Variants in ARHGEF17 observed in about 807,000 individuals in gnomAD.
The protein encoded by ARHGEF17 is 164 kDa Rho-specific guanine-nucleotide exchange factor.
ARHGEF17 carries 80 observed loss-of-function variants against 174.0 expected under a neutral mutation model. The observed-to-expected ratio is 0.46, with a 90% CI of 0.38 to 0.55. The LOEUF (loss-of-function observed/expected upper bound fraction) is 0.55. ARHGEF17 is among the 20% of genes least tolerant of loss of function. The pLI, the probability that ARHGEF17 is intolerant of heterozygous loss-of-function variation, is 0.00. For synonymous variants in ARHGEF17, 1,311 were observed against 1,189.1 expected (o/e 1.10, Z -2.11); for missense variants, 2,886 against 2,839.7 (o/e 1.02, Z -0.37).
intron 1 of ARHGEF17, among the ~76,000 whole-genome samples, chr11:73,340,901 G>T (rs1865357904): frequency 6.6e-6 from 1 of 152,214 alleles, no homozygotes; most frequent in African/African-American, 2.4e-5. Context: ...GGAGGAGCAG[G>T]CTCCATCCGC....
chr11:73,356,722 T>C lies in ARHGEF17; in HGVS notation c.3854T>C (p.Leu1285Pro). Residue 1285 changes from leucine to proline, a missense_variant, in exon 7 of 21, where the codon CTG (leucine) becomes CCG (proline). Physicochemically the swap from Leu to Pro is moderately conservative, Grantham distance 98 (BLOSUM62 -3). This residue lies in a region of ARHGEF17 where 353 missense variants were observed against 470.3 expected (regional missense o/e 0.75). Coordinates refer to ENST00000263674, the MANE Select transcript of ARHGEF17 (RefSeq NM_014786.4). ...CCTGTCCCACAGCTCCAGGCCCCTC[T>C]GCGGCGGTTCCTGAGACAGGAGATG... ...IEGMEDLQAP[L>P]RRFLRQEMVI... 6.2e-7 allele frequency: 1 copy of C among 1,614,184 alleles called. No homozygotes were observed. Among genetic ancestry groups the C allele is most frequent in the Non-Finnish European group, 8.5e-7 (1 of 1,180,028 alleles).
chr11:73,343,582 T>A (rs1306230974), intron 1 of ARHGEF17, among the ~76,000 whole-genome samples: 1 of 152,158 alleles, frequency 6.6e-6, no homozygotes, highest in Non-Finnish European at 1.5e-5. Flanking sequence ...CCAGCCCTCC[T>A]CTTAGGCTTG....
chr11:73,350,087 CAT>C (rs1865528495), intron 2 of ARHGEF17, among the ~76,000 whole-genome samples: 1 of 152,106 alleles, frequency 6.6e-6, no homozygotes, highest in Non-Finnish European at 1.5e-5. Context: ...ATTAGAGACA[CAT>C]GTTTATAATT....
At position 73,365,792 on chromosome 11, in the gene ARHGEF17, C is replaced by T; in HGVS notation, c.5840C>T (p.Pro1947Leu). Residue 1947 changes from proline to leucine, a missense_variant, in exon 20 of 21, where the codon CCC becomes CTC. Physicochemically the swap from Pro to Leu is moderately conservative, Grantham distance 98. Coordinates refer to ENST00000263674, the MANE Select transcript of ARHGEF17 (RefSeq NM_014786.4). The surrounding 1 kb of genome is among the most constrained non-coding windows in gnomAD (Gnocchi z 4.9). ...GTSAGVVLTM[P>L]TSPGTVSCPR... Reference sequence around the variant, plus strand: ...AGTGCTGGTGTCGTCCTCACCATGCCCACTTCGCCCGGTACTGTCAGCTGC... The same window carrying T: ...AGTGCTGGTGTCGTCCTCACCATGCTCACTTCGCCCGGTACTGTCAGCTGC... 1.2e-6 allele frequency: 2 copies of T among 1,613,750 alleles called. No individual in the cohort carries two copies. The highest frequency in any genetic ancestry group is 1.3e-5 in the African/African-American group (1 of 75,050).
intron 1 of ARHGEF17, among the ~76,000 whole-genome samples, chr11:73,336,113 C>T (rs1261085880): frequency 6.6e-6 from 1 of 152,192 alleles, no homozygotes; most frequent in African/African-American, 2.4e-5. Flanking sequence ...TGTTAATGTG[C>T]TCTGTGACCC....
Position 73,364,248 on chromosome 11 carries a change from C to G in ARHGEF17, c.5401+9C>G. ...CTACCAAAGGGAAGCAGGTGAGTAT[C>G]TGCCCTCCCCCACACCCTGCCCCTG... On this transcript the variant is annotated intron_variant, in intron 17 of 20. Transcript: ENST00000263674. 1 of 1,614,060 alleles carries G rather than the reference C, an allele frequency of 6.2e-7. No homozygotes were observed. Among genetic ancestry groups the G allele is most frequent in the Non-Finnish European group, 8.5e-7 (1 of 1,179,920 alleles).
At chr11:73,354,001 A>G (rs1865596357) in intron 3 of ARHGEF17, among the ~76,000 whole-genome samples, 1 of 152,244 alleles carries the variant, frequency 6.6e-6, no homozygotes, top group East Asian at 1.9e-4. Context: ...TCAGAGCCAC[A>G]TAATTTCAAA....
Position 73,309,852 on chromosome 11 carries a change from G to T in ARHGEF17, c.1214G>T (p.Trp405Leu), listed in dbSNP as rs1864780314. ...GAGACCCTCAAGGACGACGACCTAT[G>T]GTCTAGTAGGGGTTCTGGGGGCTGG... Reference protein sequence around the residue: ...STETLKDDDLWSSRGSGGWGV... With the variant: ...STETLKDDDLLSSRGSGGWGV... Residue 405 changes from tryptophan to leucine, a missense_variant, in exon 1 of 21, where the codon TGG becomes TTG. By Grantham distance (61) the Trp-to-Leu change is moderately conservative. This residue lies in a region of ARHGEF17 where 1,728 missense variants were observed against 1,461.2 expected (regional missense o/e 1.18). Transcript: ENST00000263674. The T allele has an allele frequency of 6.2e-7, 1 of 1,613,198 alleles. No homozygotes were observed.
chr11:73,339,469 T>A (rs1865336094), intron 1 of ARHGEF17, among the ~76,000 whole-genome samples: 1 of 152,196 alleles, frequency 6.6e-6, no homozygotes, highest in Non-Finnish European at 1.5e-5. Context: ...CGGTTATCTG[T>A]CCATTTGTTT....
intron 20 of ARHGEF17, among the ~76,000 whole-genome samples, chr11:73,366,658 C>A (rs530594574): frequency 2.6e-5 from 4 of 152,004 alleles, no homozygotes; most frequent in Non-Finnish European, 4.4e-5. Context: ...TCACTTGAGC[C>A]CAGGGAAGTC....
Position 73,308,799 on chromosome 11 carries a change from C to T in ARHGEF17, c.161C>T (p.Pro54Leu), listed in dbSNP as rs1864739727. Residue 54 changes from proline to leucine, a missense_variant, in exon 1 of 21, where the codon CCC becomes CTC. Around this residue, in one of 4 missense-constraint regions of ARHGEF17, gnomAD observed 1,728 missense variants for 1,461.2 expected, o/e 1.18. Coordinates refer to ENST00000263674, the MANE Select transcript of ARHGEF17 (RefSeq NM_014786.4). ...CCGACCACGGCTGCCCGGGGCCAGC[C>T]CTCTCGGCGCGTGTCCAAGCTGGCG... is the stretch of plus-strand genomic sequence containing the variant. ...CRPTTAARGQ[P>L]SRRVSKLASG... The T allele has an allele frequency of 4.4e-6, 6 of 1,365,990 alleles. No individual in the cohort carries two copies. Among genetic ancestry groups the T allele is most frequent in the African/African-American group, 3.1e-5 (2 of 65,276 alleles). 84.6% of individuals were successfully genotyped at this position (1,365,990 alleles called of 1,614,324 possible). A position where few individuals can be genotyped will look rare whatever the true frequency, so the allele number is the denominator to read the frequency against.
chr11:73,358,781 C>A (rs570987125), intron 9 of ARHGEF17, among the ~76,000 whole-genome samples: 2 of 152,094 alleles, frequency 1.3e-5, no homozygotes, highest in Non-Finnish European at 2.9e-5. Flanking sequence ...CTCTTAATAC[C>A]AACACACTCA....
Position 73,309,789 on chromosome 11 carries a change from C to G in ARHGEF17, c.1151C>G (p.Pro384Arg). ...KVSFPSYLAS[P>R]AGSRGSSRYS... The stretch of plus-strand genomic sequence containing the variant: ...AGCTTTCCCTCGTACCTGGCCAGCC[C>G]CGCAGGCTCCCGCGGTAGCAGCCGT... The change falls in exon 1 of 21, where the codon CCC becomes CGC. Residue 384 changes from proline (P) to arginine (R), a missense_variant. Physicochemically the swap from Pro to Arg is moderately radical, Grantham distance 103. This residue lies in a region of ARHGEF17 where 1,728 missense variants were observed against 1,461.2 expected (regional missense o/e 1.18). Transcript: ENST00000263674. The G allele has an allele frequency of 6.2e-7, 1 of 1,613,064 alleles. No individual in the cohort carries two copies.
At chr11:73,329,237 C>T (rs1489271372) in intron 1 of ARHGEF17, among the ~76,000 whole-genome samples, 2 of 147,590 alleles carry the variant, frequency 1.4e-5, no homozygotes, top group African/African-American at 5.1e-5. Flanking sequence ...TTCCTGCACA[C>T]AGATGGTAGC....
chr11:73,341,082 G>C (rs1025829134), intron 1 of ARHGEF17, among the ~76,000 whole-genome samples: 6 of 152,212 alleles, frequency 3.9e-5, no homozygotes, highest in African/African-American at 1.4e-4. Context: ...GCTTACAAAA[G>C]GGACAAGGAC....
rs1264864674 is a variant in ARHGEF17 at position 73,352,879 on chromosome 11, C to G, written c.3320C>G (p.Pro1107Arg). Residue 1107 changes from proline (P) to arginine (R), a missense_variant, in exon 3 of 21, where the codon CCT becomes CGT. Pro to Arg is a moderately radical substitution (Grantham distance 103, BLOSUM62 -2). Coordinates refer to ENST00000263674, the MANE Select transcript of ARHGEF17 (RefSeq NM_014786.4). ...CCAGAGAACTCCGTGCTCTGTGACCCTTCACTGGTGGACGAGATCTTCGAC... is the reference window on the plus strand; with the variant it reads ...CCAGAGAACTCCGTGCTCTGTGACCGTTCACTGGTGGACGAGATCTTCGAC... ...KQPENSVLCDPSLVDEIFDQI... is the reference protein window; with the variant it reads ...KQPENSVLCDRSLVDEIFDQI... The G allele has an allele frequency of 6.2e-7, 1 of 1,614,022 alleles. No homozygotes were observed. The highest frequency in any genetic ancestry group is 1.7e-5 in the Admixed American group (1 of 60,010).
chr11:73,347,861 G>A (rs377690940), intron 2 of ARHGEF17, among the ~76,000 whole-genome samples: 4 of 152,330 alleles, frequency 2.6e-5, no homozygotes, highest in African/African-American at 9.6e-5. Flanking sequence ...GAGTGCTGGG[G>A]ACAGACACTC....
intron 1 of ARHGEF17, among the ~76,000 whole-genome samples, chr11:73,314,690 C>T (rs1107037): frequency 0.13 from 19,599 of 152,140 alleles, 1,562 homozygotes; most frequent in African/African-American, 0.23. Context: ...CCAGGAATGC[C>T]TGTCTGTGTG....
At chr11:73,320,022 C>T (rs1000418242) in intron 1 of ARHGEF17, among the ~76,000 whole-genome samples, 4 of 152,158 alleles carry the variant, frequency 2.6e-5, no homozygotes, top group African/African-American at 9.7e-5. Flanking sequence ...GTGGGAGTCA[C>T]GTCTCTGCCA....
Sources: allele counts gnomAD v4.1 joint callset (sites outside exome capture counted in the v4.1 genomes callset), GRCh38; gene constraint gnomAD v4.1.1; regional missense constraint gnomAD v4.1.1; non-coding constraint Gnocchi (gnomAD v3.1); transcripts MANE v1.5; gene names NCBI Gene and HGNC (gene_info 2026-07-23, HGNC 2026-07-21).